The following LRRC37A variants were observed in gnomAD, a reference collection of about 807,000 sequenced individuals.
LRRC37A encodes the protein leucine rich repeat containing 37A, also known as leucine-rich repeat-containing protein 37A.
In LRRC37A, 3 loss-of-function variants were observed where a neutral mutation model predicts 35.4. The observed-to-expected ratio is 0.08, with a 90% confidence interval of 0.04 to 0.22. The LOEUF (loss-of-function observed/expected upper bound fraction) is 0.22. Among genes scored for constraint, LRRC37A ranks in the 10% least tolerant of loss-of-function variants. The pLI is 1.00. For missense variants in LRRC37A, 67 were observed against 565.3 expected, an observed-to-expected ratio of 0.12 and a Z score of 8.94; for synonymous variants, 23 against 215.0, an observed-to-expected ratio of 0.11 and a Z score of 7.81.
chr17:46,256,714 A>G, the LRRC37A span, among the ~76,000 whole-genome samples: 1 of 152,212 alleles, frequency 6.6e-6, no homozygotes, highest in Non-Finnish European at 1.5e-5. Flanking sequence ...CTGAAAGCCA[A>G]AAATTCACTG....
chr17:46,267,229 G>C, the LRRC37A span: 2 of 712,388 alleles, frequency 2.8e-6, no homozygotes, highest in Middle Eastern at 3.0e-4. Flanking sequence ...ATCCCAGGGC[G>C]CCCGACCCAT....
the LRRC37A span, among the ~76,000 whole-genome samples, chr17:46,277,923 T>C: frequency 6.6e-6 from 1 of 152,150 alleles, no homozygotes; most frequent in Admixed American, 6.6e-5. Flanking sequence ...ATTACGGACA[T>C]GAGCCACCAT....
At chr17:46,289,532 G>T (rs1462583879), upstream of LRRC37A, among the ~76,000 whole-genome samples, 1 of 152,116 alleles carries the variant, frequency 6.6e-6, no homozygotes, top group East Asian at 1.9e-4. Context: ...TAGAGATAGG[G>T]TTTCACCATG....
the LRRC37A span, among the ~76,000 whole-genome samples, chr17:46,277,324 A>G: frequency 0.066 from 8,842 of 133,710 alleles, no homozygotes; most frequent in Non-Finnish European, 0.11. Flanking sequence ...AGGACCTCCA[A>G]GCAACTTCCT....
chr17:46,323,323 C>T (rs557151188), intron 7 of LRRC37A, among the ~76,000 whole-genome samples: 1 of 75,906 alleles, frequency 1.3e-5, no homozygotes, highest in Non-Finnish European at 3.1e-5. Flanking sequence ...TATACTTTTG[C>T]CTTTTCCAGA....
chr17:46,317,344 G>T (rs1412583674), intron 5 of LRRC37A, among the ~76,000 whole-genome samples: 1 of 80,538 alleles, frequency 1.2e-5, no homozygotes, highest in African/African-American at 3.2e-5. Flanking sequence ...CATTGTTTTT[G>T]AAGACAAATT....
the LRRC37A span, among the ~76,000 whole-genome samples, chr17:46,252,627 C>T: frequency 2.7e-5 from 4 of 149,056 alleles, no homozygotes; most frequent in South Asian, 2.1e-4. Context: ...CATCTTGCAC[C>T]GCCCTTAATC....
At chr17:46,323,510 C>G (rs1277034266) in intron 7 of LRRC37A, among the ~76,000 whole-genome samples, 1 of 93,162 alleles carries the variant, frequency 1.1e-5, no homozygotes. Context: ...GGTTCTCCTG[C>G]CTCAGCCTTC....
Position 46,307,898 on chromosome 17 carries a change from G to A in LRRC37A, c.2906+1589G>A, listed in dbSNP as rs1156957558. On this transcript the variant is annotated intron_variant, in intron 5 of 13. Transcript: ENST00000320254. ...ATGGTGACAGGCAACTGTAATCCTA[G>A]GTACTCAGGAGGCTGAGGCAGGAGA... Among the ~76,000 whole-genome samples, 2 of 77,032 alleles carry A rather than the reference G, an allele frequency of 2.6e-5. 1 individual carries two copies. The highest frequency in any genetic ancestry group is 6.6e-5 in the African/African-American group (2 of 30,406). The allele number at this position is 77,032 out of a possible 152,430, so 50.5% of individuals were successfully genotyped here. A position where few individuals can be genotyped will look rare whatever the true frequency, so the allele number is the denominator to read the frequency against.
At chr17:46,267,388 G>A in the LRRC37A span, 1 of 1,602,318 alleles carries the variant, frequency 6.2e-7, no homozygotes, top group Non-Finnish European at 8.5e-7. Flanking sequence ...GACCCTGCTG[G>A]TGGATCGGGA....
chr17:46,286,983 G>A, the LRRC37A span, among the ~76,000 whole-genome samples: 2 of 152,196 alleles, frequency 1.3e-5, no homozygotes, highest in African/African-American at 2.4e-5. Flanking sequence ...TATTCACAAC[G>A]AAAATGACAA....
At chr17:46,269,041 G>C in the LRRC37A span, among the ~76,000 whole-genome samples, 18,077 of 151,392 alleles carry the variant, frequency 0.12, no homozygotes, top group Non-Finnish European at 0.18. Flanking sequence ...ACATTTTCCT[G>C]AATTTAAATA....
chr17:46,262,794 AAAAAAAAG>A, the LRRC37A span, among the ~76,000 whole-genome samples: 1 of 151,904 alleles, frequency 6.6e-6, no homozygotes, highest in Non-Finnish European at 1.5e-5. Context: ...TTGGAAAAAA[AAAAAAAAG>A]AAAAGAAAAG....
the LRRC37A span, among the ~76,000 whole-genome samples, chr17:46,253,578 C>T: frequency 1.3e-5 from 2 of 152,210 alleles, no homozygotes; most frequent in African/African-American, 4.8e-5. Context: ...GAAACCCCGT[C>T]TCCACCAAAA....
the LRRC37A span, among the ~76,000 whole-genome samples, chr17:46,262,490 G>A: frequency 6.6e-6 from 1 of 152,346 alleles, no homozygotes; most frequent in East Asian, 1.9e-4. Flanking sequence ...TGGGATTAAG[G>A]GCGTGAGCCA....
the LRRC37A span, among the ~76,000 whole-genome samples, chr17:46,248,101 C>T: frequency 6.6e-6 from 1 of 151,902 alleles, no homozygotes; most frequent in Non-Finnish European, 1.5e-5. Context: ...GGGAACAACG[C>T]AAGTCCCACT....
At chr17:46,269,203 G>A in the LRRC37A span, among the ~76,000 whole-genome samples, 1 of 152,158 alleles carries the variant, frequency 6.6e-6, no homozygotes, top group Non-Finnish European at 1.5e-5. Context: ...TCAAACACAA[G>A]GGTCAAAGCC....
the LRRC37A span, among the ~76,000 whole-genome samples, chr17:46,272,003 G>C: frequency 6.6e-6 from 1 of 152,164 alleles, no homozygotes; most frequent in Non-Finnish European, 1.5e-5. Context: ...CTTGTGATCT[G>C]CCCGCTTCAG....
the LRRC37A span, among the ~76,000 whole-genome samples, chr17:46,256,279 G>A: frequency 6.6e-6 from 1 of 152,140 alleles, no homozygotes; most frequent in Non-Finnish European, 1.5e-5. Context: ...CAGCTACTTG[G>A]GAGGCTGAGG....
Sources: gnomAD v4.1 joint callset for allele counts (sites outside exome capture counted in the v4.1 genomes callset) on GRCh38, gnomAD v4.1.1 for gene constraint, MANE v1.5 for transcripts, NCBI Gene and HGNC (gene_info 2026-07-23, HGNC 2026-07-21) for gene names.